The following ANKFN1 variants were observed in gnomAD, a reference collection of about 807,000 sequenced individuals.
ANKFN1 encodes the protein ankyrin repeat and fibronectin type-III domain-containing protein 1.
Under a neutral mutation model 108.7 loss-of-function variants are expected in ANKFN1, and 74 were observed. The observed-to-expected ratio is 0.68, with a 90% CI of 0.56 to 0.83. The LOEUF is 0.83. Among genes scored for constraint, ANKFN1 ranks in the 40% least tolerant of loss-of-function variants. The pLI is 0.00. For synonymous variants in ANKFN1, 547 were observed against 516.2 expected (o/e 1.06, Z -0.81); for missense variants, 1,505 against 1,382.3 (o/e 1.09, Z -1.41).
chr17:56,480,357 A>G lies in ANKFN1; in HGVS notation c.1941-311A>G, dbSNP rs757141938. 6.1e-4 allele frequency among the ~76,000 whole-genome samples: 93 copies of G among 152,224 alleles called. 1 individual carries two copies. Among genetic ancestry groups the G allele is most frequent in the Non-Finnish European group, 1.2e-3 (81 of 68,048 alleles). ...CTTAGAATTTACAGGGGATCTGCAG[A>G]GAAAGAAAAATGAAGACAGTCAGGA... On this transcript the variant is annotated intron_variant, in intron 16 of 20. Transcript: ENST00000682825.
At chr17:56,345,555 T>A (rs2046076208) in intron 4 of ANKFN1, among the ~76,000 whole-genome samples, 1 of 152,200 alleles carries the variant, frequency 6.6e-6, no homozygotes, top group Non-Finnish European at 1.5e-5. Context: ...CCAGCATCTG[T>A]TGTTTCAGGA....
intron 4 of ANKFN1, among the ~76,000 whole-genome samples, chr17:56,116,481 A>T (rs531324294): frequency 6.6e-6 from 1 of 152,238 alleles, no homozygotes; most frequent in South Asian, 2.1e-4. Flanking sequence ...ATGGGGGCAG[A>T]TCCCTCATGT....
At chr17:56,175,761 T>G (rs1173002242) in intron 1 of ANKFN1, among the ~76,000 whole-genome samples, 1 of 152,184 alleles carries the variant, frequency 6.6e-6, no homozygotes. Context: ...AATGGAGATC[T>G]CAGCTGCACT....
chr17:56,418,076 A>G (rs973434520), intron 8 of ANKFN1, among the ~76,000 whole-genome samples: 1 of 152,200 alleles, frequency 6.6e-6, no homozygotes, highest in Non-Finnish European at 1.5e-5. Flanking sequence ...AAACTTCCCC[A>G]GGACTTTTAA....
intron 8 of ANKFN1, among the ~76,000 whole-genome samples, chr17:56,379,851 C>A (rs2047045948): frequency 6.6e-6 from 1 of 152,224 alleles, no homozygotes; most frequent in South Asian, 2.1e-4. Context: ...TGTGGATTCA[C>A]ACACTGTCCC....
At chr17:56,416,619 C>T (rs565362764) in intron 8 of ANKFN1, among the ~76,000 whole-genome samples, 12 of 152,196 alleles carry the variant, frequency 7.9e-5, no homozygotes, top group Admixed American at 1.3e-4. Flanking sequence ...AATGTAAATT[C>T]GTACAACCAC....
intron 4 of ANKFN1, among the ~76,000 whole-genome samples, chr17:56,105,374 C>T (rs1905725814): frequency 6.6e-6 from 1 of 152,106 alleles, no homozygotes; most frequent in African/African-American, 2.4e-5. Context: ...TGCTAGCTAC[C>T]CCTGCACACC....
chr17:56,472,268 A>G (rs1394451674), intron 15 of ANKFN1: 1 of 152,232 alleles, frequency 6.6e-6, no homozygotes, highest in African/African-American at 2.4e-5. Flanking sequence ...TCAGAAAACT[A>G]AATTATTTGC....
intron 8 of ANKFN1, among the ~76,000 whole-genome samples, chr17:56,382,602 C>G (rs1444551710): frequency 6.6e-6 from 1 of 152,154 alleles, no homozygotes; most frequent in African/African-American, 2.4e-5. Flanking sequence ...TGCAGAGACA[C>G]ACATAGGCTC....
chr17:56,235,919 C>G (rs1194831408), intron 3 of ANKFN1, among the ~76,000 whole-genome samples: 1 of 152,138 alleles, frequency 6.6e-6, no homozygotes, highest in Non-Finnish European at 1.5e-5. Flanking sequence ...ATAAAAATAG[C>G]ACTGAATCTG....
At chr17:56,108,890 T>C (rs1057163948) in intron 4 of ANKFN1, among the ~76,000 whole-genome samples, 2 of 152,200 alleles carry the variant, frequency 1.3e-5, no homozygotes, top group African/African-American at 4.8e-5. Context: ...ATCAGATAAA[T>C]AGGAGTAATT....
intron 4 of ANKFN1, among the ~76,000 whole-genome samples, chr17:56,143,473 G>C (rs1413716904): frequency 6.6e-6 from 1 of 152,052 alleles, no homozygotes; most frequent in East Asian, 1.9e-4. Context: ...CAGCTGCAAT[G>C]GACCATTCTC....
chr17:56,267,090 A>G (rs1256048721), intron 3 of ANKFN1, among the ~76,000 whole-genome samples: 2 of 152,104 alleles, frequency 1.3e-5, no homozygotes, highest in African/African-American at 4.8e-5. Flanking sequence ...GCCCTCAAGT[A>G]GGCCCCAGTG....
rs957724 is a variant in ANKFN1, at chr17:56,372,677, C to T, written c.633C>T (p.Leu211=). The T allele has an allele frequency of 6.2e-7, 1 of 1,612,700 alleles. No homozygotes were observed. Among genetic ancestry groups the T allele is most frequent in the African/African-American group, 1.3e-5 (1 of 74,734 alleles). The change falls in exon 7 of 21, where the codon CTC becomes CTT. Residue 211 remains leucine (L), a synonymous_variant. Transcript: ENST00000682825. ...GCCTGGAAAGCCGAGCAATGCACCT[C>T]AACACACTGGTCCAGGAAGCCCAGG... is the stretch of plus-strand genomic sequence containing the variant. ...FVSLESRAMH[L]NTLVQEAQER...
chr17:56,436,766 G>A lies in ANKFN1; in HGVS notation c.911-3561G>A, dbSNP rs1410331344. Among the ~76,000 whole-genome samples, 5 of 150,888 alleles carry A rather than the reference G, an allele frequency of 3.3e-5. No individual in the cohort carries two copies. The East Asian group carries it at 9.8e-4, about 30-fold the overall frequency. Reference sequence around the variant, plus strand: ...AATCACTTGTACCCGGGAGGCGGAGGTTGGAGGTTGCAGTGAGCTGAGATC... The same window carrying A: ...AATCACTTGTACCCGGGAGGCGGAGATTGGAGGTTGCAGTGAGCTGAGATC... On this transcript the variant is annotated intron_variant, in intron 8 of 20. Transcript: ENST00000682825.
chr17:56,391,368 A>ATG (rs199687714), intron 8 of ANKFN1, among the ~76,000 whole-genome samples: 2,647 of 128,634 alleles, frequency 0.021, 29 homozygotes, highest in South Asian at 0.032. Context: ...ACATATATAT[A>ATG]TGTGTGTGTG....
intron 2 of ANKFN1, among the ~76,000 whole-genome samples, chr17:56,216,268 C>CA (rs1408221943): frequency 6.6e-6 from 1 of 152,134 alleles, no homozygotes; most frequent in East Asian, 1.9e-4. Context: ...TATTCCTTGC[C>CA]AAAAACTACT....
intron 4 of ANKFN1, among the ~76,000 whole-genome samples, chr17:56,053,875 A>G (rs1158360819): frequency 6.6e-6 from 1 of 152,172 alleles, no homozygotes; most frequent in Non-Finnish European, 1.5e-5. Context: ...TTTTAAAAAA[A>G]TTATTTCAAT....
chr17:56,309,368 T>C (rs2044940794), intron 3 of ANKFN1, among the ~76,000 whole-genome samples: 1 of 152,200 alleles, frequency 6.6e-6, no homozygotes, highest in African/African-American at 2.4e-5. Flanking sequence ...TTATTATCCT[T>C]TTAATATCTG....
Sources: allele counts gnomAD v4.1 joint callset (sites outside exome capture counted in the v4.1 genomes callset), GRCh38; gene constraint gnomAD v4.1.1; transcripts MANE v1.5; gene names NCBI Gene and HGNC (gene_info 2026-07-23, HGNC 2026-07-21).